The following CSMD3 variants were observed in gnomAD, a reference collection of about 807,000 sequenced individuals.
The protein encoded by CSMD3 is CUB and Sushi multiple domains 3.
CSMD3 carries 177 observed loss-of-function variants against 435.2 expected under a neutral mutation model. The observed-to-expected ratio is 0.41, with a 90% CI of 0.36 to 0.46. CSMD3 has a LOEUF of 0.46. Ranked by LOEUF, CSMD3 falls within the 20% of genes least tolerant of loss-of-function variation. The pLI is 0.34. For missense variants in CSMD3, 4,265 were observed against 4,504.6 expected, an observed-to-expected ratio of 0.95 and a Z score of 1.52; for synonymous variants, 1,656 against 1,520.5, an observed-to-expected ratio of 1.09 and a Z score of -2.07.
chr8:112,805,515 C>T (rs1416581517), intron 12 of CSMD3, among the ~76,000 whole-genome samples: 1 of 152,112 alleles, frequency 6.6e-6, no homozygotes, highest in Non-Finnish European at 1.5e-5. Flanking sequence ...GACACTCACC[C>T]TGTAATATTA....
chr8:112,833,474 A>T (rs2079934786), intron 11 of CSMD3, among the ~76,000 whole-genome samples: 2 of 152,056 alleles, frequency 1.3e-5, no homozygotes, highest in Admixed American at 1.3e-4. Flanking sequence ...TAAAGCTTCC[A>T]TATTATTTAA....
chr8:112,634,214 C>T (rs1474541550), intron 22 of CSMD3, among the ~76,000 whole-genome samples: 1 of 151,112 alleles, frequency 6.6e-6, no homozygotes, highest in Non-Finnish European at 1.5e-5. Flanking sequence ...AAATAACATG[C>T]ATTTTATGTG....
intron 1 of CSMD3, among the ~76,000 whole-genome samples, chr8:113,374,423 C>A: frequency 6.6e-6 from 1 of 152,010 alleles, no homozygotes; most frequent in East Asian, 1.9e-4. Context: ...CCCCAGCTTC[C>A]TTAAATTTTT....
chr8:113,211,263 T>A (rs2092831533), intron 3 of CSMD3, among the ~76,000 whole-genome samples: 1 of 152,218 alleles, frequency 6.6e-6, no homozygotes, highest in Admixed American at 6.5e-5. Flanking sequence ...TAGAGGTTCC[T>A]TTCTTTCCTC....
At chr8:112,723,740 A>T (rs1587083339) in intron 13 of CSMD3, among the ~76,000 whole-genome samples, 1 of 152,190 alleles carries the variant, frequency 6.6e-6, no homozygotes, top group East Asian at 1.9e-4. Flanking sequence ...GGCACATTAG[A>T]AATCACGGAG....
chr8:113,350,891 A>G (rs922004531), intron 1 of CSMD3, among the ~76,000 whole-genome samples: 1 of 152,016 alleles, frequency 6.6e-6, no homozygotes, highest in African/African-American at 2.4e-5. Flanking sequence ...TTCAGTCTCT[A>G]TGCCTTTACA....
At chr8:112,575,642 C>T (rs1368434017) in intron 23 of CSMD3, among the ~76,000 whole-genome samples, 1 of 152,064 alleles carries the variant, frequency 6.6e-6, no homozygotes, top group Non-Finnish European at 1.5e-5. Context: ...ATGTATCTGT[C>T]TTCAACAAAA....
chr8:113,036,156 T>C (rs1041562664), intron 5 of CSMD3, among the ~76,000 whole-genome samples: 5 of 152,042 alleles, frequency 3.3e-5, no homozygotes, highest in Non-Finnish European at 7.4e-5. Context: ...AAAATTAATA[T>C]CTATGTTGGA....
chr8:112,985,076 C>T (rs1280659038), intron 6 of CSMD3, among the ~76,000 whole-genome samples: 2 of 151,848 alleles, frequency 1.3e-5, no homozygotes, highest in African/African-American at 2.4e-5. Flanking sequence ...AGTCTAATAG[C>T]TATTTAAAAA....
chr8:113,376,917 G>C, intron 1 of CSMD3: 1 of 1,588,154 alleles, frequency 6.3e-7, no homozygotes, highest in Non-Finnish European at 8.6e-7. Flanking sequence ...CCGTGGTTGT[G>C]GGGGCCATAA....
intron 13 of CSMD3, among the ~76,000 whole-genome samples, chr8:112,792,366 A>T (rs2078712807): frequency 6.6e-6 from 1 of 152,014 alleles, no homozygotes; most frequent in African/African-American, 2.4e-5. Context: ...TGGCTTGCAG[A>T]TGGTTCGTTT....
chr8:113,342,118 A>G (rs1286554678), intron 1 of CSMD3, among the ~76,000 whole-genome samples: 1 of 152,158 alleles, frequency 6.6e-6, no homozygotes, highest in Non-Finnish European at 1.5e-5. Flanking sequence ...GATAAATTAA[A>G]CAGTAATGAA....
At position 113,251,585 on chromosome 8, in the gene CSMD3, AT is replaced by A. The variant is rs575744974; in HGVS notation, c.514+27006del. 3.0e-3 allele frequency among the ~76,000 whole-genome samples: 464 copies of A among 152,146 alleles called. 2 individuals are homozygous for A. Among genetic ancestry groups the A allele is most frequent in the African/African-American group, 9.4e-3 (391 of 41,568 alleles). Reference sequence around the variant, plus strand: ...AATCTTGATTTACTTTGGGATTTCTATTGTTTAGCTGTAAGTTAAAAAATCC... The same window carrying A: ...AATCTTGATTTACTTTGGGATTTCTATGTTTAGCTGTAAGTTAAAAAATCC... On this transcript the variant is annotated intron_variant, in intron 3 of 70. Coordinates refer to ENST00000297405, the MANE Select transcript of CSMD3 (RefSeq NM_198123.2).
intron 22 of CSMD3, among the ~76,000 whole-genome samples, chr8:112,634,890 G>T (rs2074613613): frequency 6.6e-6 from 1 of 151,822 alleles, no homozygotes; most frequent in South Asian, 2.1e-4. Flanking sequence ...GAATGAAACA[G>T]ATCACTACAA....
intron 13 of CSMD3, among the ~76,000 whole-genome samples, chr8:112,732,943 T>C (rs907413397): frequency 6.6e-6 from 1 of 152,140 alleles, no homozygotes; most frequent in East Asian, 1.9e-4. Context: ...AAATGCAATA[T>C]GAAAAGTAAA....
intron 1 of CSMD3, among the ~76,000 whole-genome samples, chr8:113,412,732 T>C (rs11985054): frequency 0.018 from 2,761 of 152,202 alleles, 95 homozygotes; most frequent in African/African-American, 0.061. Flanking sequence ...CACTGAAGTA[T>C]TGTGTTAGCA....
intron 31 of CSMD3, among the ~76,000 whole-genome samples, chr8:112,491,785 T>C (rs1406735040): frequency 6.6e-6 from 1 of 152,186 alleles, no homozygotes; most frequent in Non-Finnish European, 1.5e-5. Context: ...ACCCAATGAA[T>C]TGATTTTATG....
intron 53 of CSMD3, among the ~76,000 whole-genome samples, chr8:112,301,444 A>C (rs1171285589): frequency 6.6e-6 from 1 of 152,172 alleles, no homozygotes; most frequent in Non-Finnish European, 1.5e-5. Flanking sequence ...CCTTAAGCAA[A>C]TAGGTGAAAA....
intron 3 of CSMD3, among the ~76,000 whole-genome samples, chr8:113,250,375 G>C (rs976071889): frequency 6.6e-6 from 1 of 152,084 alleles, no homozygotes; most frequent in Non-Finnish European, 1.5e-5. Flanking sequence ...TGATGTAGAA[G>C]GGAGTGTAGC....
Sources: allele counts gnomAD v4.1 joint callset (sites outside exome capture counted in the v4.1 genomes callset), GRCh38; gene constraint gnomAD v4.1.1; transcripts MANE v1.5; gene names NCBI Gene and HGNC (gene_info 2026-07-23, HGNC 2026-07-21).